AGAP3: variants seen among roughly 807,000 people sequenced by gnomAD.
The protein encoded by AGAP3 is arf-GAP with GTPase, ANK repeat and PH domain-containing protein 3.
AGAP3 carries 24 observed loss-of-function variants against 96.9 expected under a neutral mutation model. The ratio of observed to expected loss-of-function variants is 0.25; its 90% CI spans 0.18 to 0.35. The LOEUF (loss-of-function observed/expected upper bound fraction) is 0.35, where lower values mean the gene tolerates loss of function less well. Ranked by LOEUF, AGAP3 falls within the 10% of genes least tolerant of loss-of-function variation. The probability of loss-of-function intolerance (pLI) is 1.00; values close to 1 mark genes in which losing one functional copy is unlikely to be tolerated. For missense variants in AGAP3, 876 were observed against 1,254.2 expected (o/e 0.70, Z 4.55); for synonymous variants, 563 against 536.1 (o/e 1.05, Z -0.69).
intron 10 of AGAP3, among the ~76,000 whole-genome samples, chr7:151,129,277 C>T (rs1259462858): frequency 6.6e-6 from 1 of 152,182 alleles, no homozygotes; most frequent in Non-Finnish European, 1.5e-5. Flanking sequence ...TCTCTGTCAC[C>T]ACCCCACTGT....
chr7:151,114,769 G>A lies in AGAP3; in HGVS notation c.332-2024G>A. ...CCTGGCCCGCGCCCGCCGGCCCTGA[G>A]CATGGAGCGGGGCTGGCCGCAGGGG... On this transcript the variant is annotated intron_variant, in intron 1 of 17. Coordinates refer to ENST00000397238, the MANE Select transcript of AGAP3 (RefSeq NM_031946.7). The surrounding 1 kb of genome is among the most constrained non-coding windows in gnomAD (Gnocchi z 4.4). 1 of 1,023,362 alleles carries A rather than the reference G, an allele frequency of 9.8e-7. No individual in the cohort carries two copies. Among genetic ancestry groups the A allele is most frequent in the Non-Finnish European group, 1.2e-6 (1 of 856,214 alleles). The allele number at this position is 1,023,362 out of a possible 1,614,324, so 63.4% of individuals were successfully genotyped here.
Position 151,086,702 on chromosome 7 carries a change from GCCGCCCCGGGC to G in AGAP3, c.-34_-24del, listed in dbSNP as rs1563405559. 2.5e-6 allele frequency: 1 copy of G among 393,796 alleles called. No homozygotes were observed. Among genetic ancestry groups the G allele is most frequent in the African/African-American group, 2.2e-5 (1 of 44,522 alleles). 24.4% of individuals were successfully genotyped at this position (393,796 alleles called of 1,614,324 possible). On this transcript the variant is annotated 5_prime_UTR_variant, in exon 1 of 18. Coordinates refer to ENST00000397238, the MANE Select transcript of AGAP3 (RefSeq NM_031946.7). ...CCGCCGCCGCCGCCGCCTCCGCCGC[GCCGCCCCGGGC>G]CCGCCTCGGGCCCCACGGCTCCGAA...
chr7:151,124,257 A>C (rs192694442), intron 9 of AGAP3, among the ~76,000 whole-genome samples: 363 of 152,264 alleles, frequency 2.4e-3, no homozygotes, highest in African/African-American at 8.2e-3. Flanking sequence ...GGGGATACTG[A>C]GGGCTAGTCC....
chr7:151,110,596 G>C (rs1799239155), intron 1 of AGAP3, among the ~76,000 whole-genome samples: 1 of 152,172 alleles, frequency 6.6e-6, no homozygotes, highest in African/African-American at 2.4e-5. Flanking sequence ...CCAGGTTCTG[G>C]TCTGAAGAGG....
In AGAP3 at chr7:151,096,859, A is replaced by G; in HGVS notation, c.331+9787A>G. Among the ~76,000 whole-genome samples, 1 of 151,856 alleles carries G rather than the reference A, an allele frequency of 6.6e-6. No individual in the cohort carries two copies. Among genetic ancestry groups the G allele is most frequent in the East Asian group, 1.9e-4 (1 of 5,150 alleles). Reference sequence around the variant, plus strand: ...AGTGGTATGATCTCAGCTCACTGCAACCTCTGCCTCCCGAGTTCAAGCAAT... The same window carrying G: ...AGTGGTATGATCTCAGCTCACTGCAGCCTCTGCCTCCCGAGTTCAAGCAAT... On this transcript the variant is annotated intron_variant, in intron 1 of 17. Coordinates refer to ENST00000397238, the MANE Select transcript of AGAP3 (RefSeq NM_031946.7). The surrounding 1 kb of genome is among the most constrained non-coding windows in gnomAD (Gnocchi z 4.4).
intron 12 of AGAP3, among the ~76,000 whole-genome samples, chr7:151,138,764 GC>G (rs900093344): frequency 1.3e-5 from 2 of 152,152 alleles, no homozygotes; most frequent in African/African-American, 4.8e-5. Flanking sequence ...GGCGCTCTAA[GC>G]CATGTGAGCC....
chr7:151,095,133 C>T (rs1294301748), intron 1 of AGAP3, among the ~76,000 whole-genome samples: 1 of 152,214 alleles, frequency 6.6e-6, no homozygotes, highest in African/African-American at 2.4e-5. Context: ...CCTCCACCTC[C>T]CAATGTTACT....
intron 1 of AGAP3, chr7:151,112,180 T>C (rs1211403015): frequency 6.6e-6 from 1 of 152,176 alleles, no homozygotes; most frequent in African/African-American, 2.4e-5. Context: ...TGCCCTTCCC[T>C]GTCTAGTTTC....
At chr7:151,127,369 T>A (rs938054658) in intron 9 of AGAP3, among the ~76,000 whole-genome samples, 17 of 152,070 alleles carry the variant, frequency 1.1e-4, no homozygotes, top group Non-Finnish European at 1.5e-5. Context: ...CTCCTCTAAG[T>A]ATGGGCAGAG....
chr7:151,137,982 C>A, intron 11 of AGAP3, 161 bp from the exon 12 acceptor site: 1 of 619,556 alleles, frequency 1.6e-6, no homozygotes, highest in Non-Finnish European at 2.8e-6. Context: ...AGGGTCCCTG[C>A]GCAGCCTCTG....
chr7:151,121,900 C>G, intron 8 of AGAP3, among the ~76,000 whole-genome samples: 1 of 152,248 alleles, frequency 6.6e-6, no homozygotes, highest in Non-Finnish European at 1.5e-5. Flanking sequence ...CAGCGACATG[C>G]TTGCTCGAGG....
chr7:151,131,828 C>T (rs1800415791), intron 10 of AGAP3, among the ~76,000 whole-genome samples: 1 of 152,172 alleles, frequency 6.6e-6, no homozygotes, highest in South Asian at 2.1e-4. Context: ...GCCTGGGCAT[C>T]CCAGGGCTGT....
chr7:151,139,906 C>T lies in AGAP3; in HGVS notation c.1667-73C>T, dbSNP rs898417488. 3.7e-6 allele frequency: 5 copies of T among 1,348,234 alleles called. No individual in the cohort carries two copies. In the African/African-American group the frequency reaches 6.1e-5, roughly 16 times the overall value. 83.5% of individuals were successfully genotyped at this position (1,348,234 alleles called of 1,614,324 possible). ...AGTTGGCAGGACTGGTCCTCTCCTC[C>T]TCCCAGTGCCCTGCGCCCCTCCCCT... On this transcript the variant is annotated intron_variant, in intron 12 of 17. Transcript: ENST00000397238. The surrounding 1 kb of genome is among the most constrained non-coding windows in gnomAD (Gnocchi z 4.9).
At position 151,140,573 on chromosome 7, in the gene AGAP3, T is replaced by C. The variant is rs1800778980; in HGVS notation, c.1804+457T>C. 1 of 152,414 alleles carries C rather than the reference T, an allele frequency of 6.6e-6. No individual in the cohort carries two copies. Among genetic ancestry groups the C allele is most frequent in the African/African-American group, 2.4e-5 (1 of 41,422 alleles). The allele number at this position is 152,414 out of a possible 1,614,324, so 9.4% of individuals were successfully genotyped here. ...GCCTTCTTCCATAGGACCTTTCTCT[T>C]CCTCTATTAATTATACTGCTGCTCC... On this transcript the variant is annotated intron_variant, in intron 13 of 17. Coordinates refer to ENST00000397238, the MANE Select transcript of AGAP3 (RefSeq NM_031946.7). This position sits in a 1 kb window ranked among gnomAD's most constrained non-coding sequence, Gnocchi z 5.4.
At position 151,123,921 on chromosome 7, in the gene AGAP3, A is replaced by G. The variant is rs764368902; in HGVS notation, c.1221+35A>G. 3 of 1,588,250 alleles carry G rather than the reference A, an allele frequency of 1.9e-6. No homozygotes were observed. In the African/African-American group the frequency reaches 4.0e-5, roughly 21 times the overall value. On this transcript the variant is annotated intron_variant, in intron 9 of 17. Transcript: ENST00000397238. ...TCCCTTCCCGTGTGCTCCAGGGCTCAGAATGAGGCCCAGGAATGTGGCGCT... is the reference window on the plus strand; with the variant it reads ...TCCCTTCCCGTGTGCTCCAGGGCTCGGAATGAGGCCCAGGAATGTGGCGCT...
chr7:151,143,101 G>A lies in AGAP3; in HGVS notation c.2274-240G>A, dbSNP rs966931661. Among the ~76,000 whole-genome samples, 1 of 152,190 alleles carries A rather than the reference G, an allele frequency of 6.6e-6. No homozygotes were observed. The highest frequency in any genetic ancestry group is 1.5e-5 in the Non-Finnish European group (1 of 68,024). On this transcript the variant is annotated intron_variant, in intron 16 of 17. Coordinates refer to ENST00000397238, the MANE Select transcript of AGAP3 (RefSeq NM_031946.7). This position sits in a 1 kb window ranked among gnomAD's most constrained non-coding sequence, Gnocchi z 5.9. ...CCCGCATCCCCACTGTCCCCAGGGGGCCTCCCTTCAGTGTCCCTTCCTTTC... is the reference window on the plus strand; with the variant it reads ...CCCGCATCCCCACTGTCCCCAGGGGACCTCCCTTCAGTGTCCCTTCCTTTC...
In AGAP3 at chr7:151,118,956, G is replaced by A. The variant is rs1020306421; in HGVS notation, c.969+324G>A. ...ATCCACAGGTGGCATGGTCAAGGCA[G>A]CAGCCACTGCACTTTACCTCTGCCA... On this transcript the variant is annotated intron_variant, in intron 7 of 17. Coordinates refer to ENST00000397238, the MANE Select transcript of AGAP3 (RefSeq NM_031946.7). The surrounding 1 kb of genome is among the most constrained non-coding windows in gnomAD (Gnocchi z 6.1). 2.0e-5 allele frequency among the ~76,000 whole-genome samples: 3 copies of A among 152,228 alleles called. No homozygotes were observed. The highest frequency in any genetic ancestry group is 4.4e-5 in the Non-Finnish European group (3 of 68,046).
chr7:151,102,590 C>T (rs904001721), intron 1 of AGAP3, among the ~76,000 whole-genome samples: 3 of 140,984 alleles, frequency 2.1e-5, no homozygotes, highest in African/African-American at 5.3e-5. Flanking sequence ...AGTGATACCT[C>T]GTCTCTACAA....
Position 151,086,678 on chromosome 7 carries a change from CG to C in AGAP3, c.-63del, listed in dbSNP as rs1798160191. 1 of 203,050 alleles carries C rather than the reference CG, an allele frequency of 4.9e-6. No homozygotes were observed. The highest frequency in any genetic ancestry group is 8.5e-6 in the Non-Finnish European group (1 of 117,122). 12.6% of individuals were successfully genotyped at this position (203,050 alleles called of 1,614,324 possible). On this transcript the variant is annotated 5_prime_UTR_variant, in exon 1 of 18. Coordinates refer to ENST00000397238, the MANE Select transcript of AGAP3 (RefSeq NM_031946.7). ...CGCTCCCGCTCGCCGCTGCCGCCGC[CG>C]CCGCCGCCGCCGCCTCCGCCGCGCC...
Sources: allele counts gnomAD v4.1 joint callset (sites outside exome capture counted in the v4.1 genomes callset), GRCh38; gene constraint gnomAD v4.1.1; non-coding constraint Gnocchi (gnomAD v3.1); transcripts MANE v1.5; gene names NCBI Gene and HGNC (gene_info 2026-07-23, HGNC 2026-07-21).